SLC43A2: variants seen among roughly 807,000 people sequenced by gnomAD.
The protein encoded by SLC43A2 is large neutral amino acids transporter small subunit 4.
A neutral mutation model predicts 63.2 loss-of-function variants in SLC43A2; 38 were observed. The ratio of observed to expected loss-of-function variants is 0.60; its 90% CI spans 0.46 to 0.79. The LOEUF (loss-of-function observed/expected upper bound fraction) is 0.79. Among genes scored for constraint, SLC43A2 ranks in the 30% least tolerant of loss-of-function variants. The pLI, the probability that SLC43A2 is intolerant of heterozygous loss-of-function variation, is 0.00. For missense variants in SLC43A2, 644 were observed against 756.2 expected, an observed-to-expected ratio of 0.85 and a Z score of 1.74; for synonymous variants, 322 against 331.0, an observed-to-expected ratio of 0.97 and a Z score of 0.30.
chr17:1,585,696 T>C lies in SLC43A2; in HGVS notation c.1217+217A>G, dbSNP rs768106665. 2.1e-5 allele frequency: 32 copies of C among 1,493,912 alleles called. 1 individual carries two copies. The highest frequency in any genetic ancestry group is 1.9e-4 in the South Asian group (16 of 83,270). 92.5% of individuals were successfully genotyped at this position (1,493,912 alleles called of 1,614,324 possible). A position where few individuals can be genotyped will look rare whatever the true frequency, so the allele number is the denominator to read the frequency against. ...AGTCACCGCACCTGGCCTCAAACTT[T>C]AGCATTTCCATTGCATTCCAAACAA... On this transcript the variant is annotated intron_variant, in intron 10 of 13. Transcript: ENST00000301335.
upstream of SLC43A2, among the ~76,000 whole-genome samples, chr17:1,629,719 T>C (rs1909007713): frequency 6.6e-6 from 1 of 152,138 alleles, no homozygotes; most frequent in South Asian, 2.1e-4. Context: ...CCCGTCCCTT[T>C]CAGGGAAGGT....
At chr17:1,579,180 G>A (rs1219961880) in intron 11 of SLC43A2, among the ~76,000 whole-genome samples, 1 of 148,466 alleles carries the variant, frequency 6.7e-6, no homozygotes, top group African/African-American at 2.5e-5. Context: ...TAAATTATAA[G>A]CCGAGAATGG....
In SLC43A2 at chr17:1,574,291, G is replaced by T. The variant is rs997096239; in HGVS notation, c.*1313C>A. The T allele has an allele frequency of 6.6e-6, 1 of 152,572 alleles. No individual in the cohort carries two copies. The highest frequency in any genetic ancestry group is 1.5e-5 in the Non-Finnish European group (1 of 68,088). 9.5% of individuals were successfully genotyped at this position (152,572 alleles called of 1,614,324 possible). On this transcript the variant is annotated 3_prime_UTR_variant, in exon 14 of 14. Transcript: ENST00000301335. ...CAGTCCCCCAGAGAGACGAAGAGCA[G>T]CTGGGCACGGCTGGAGCTGGTCGGT...
At chr17:1,604,079 C>T (rs958396204) in intron 5 of SLC43A2, among the ~76,000 whole-genome samples, 2 of 152,204 alleles carry the variant, frequency 1.3e-5, no homozygotes, top group African/African-American at 2.4e-5. Context: ...CTCACTCTGT[C>T]GCCAAGGCTA....
At chr17:1,622,785 G>A (rs938227350) in intron 2 of SLC43A2, among the ~76,000 whole-genome samples, 10 of 151,858 alleles carry the variant, frequency 6.6e-5, no homozygotes, top group African/African-American at 1.2e-4. Context: ...GTGGTGGTGG[G>A]CACCTGTAAT....
chr17:1,604,933 C>A, intron 5 of SLC43A2: 1 of 1,520,858 alleles, frequency 6.6e-7, no homozygotes, highest in Non-Finnish European at 8.8e-7. Flanking sequence ...TTCGAAGCCG[C>A]GGTGCCGGAG....
At chr17:1,611,490 C>T (rs9902296) in intron 5 of SLC43A2, among the ~76,000 whole-genome samples, 27,441 of 151,810 alleles carry the variant, frequency 0.18, 3,016 homozygotes, top group East Asian at 0.41. Flanking sequence ...CAAAAATTAG[C>T]GAGGCGTGAT....
upstream of SLC43A2, among the ~76,000 whole-genome samples, chr17:1,629,891 C>G (rs1321118459): frequency 6.6e-6 from 1 of 152,240 alleles, no homozygotes; most frequent in African/African-American, 2.4e-5. Context: ...CCGGGAAGAC[C>G]CTCTGACTGC....
chr17:1,584,117 T>C lies in SLC43A2; in HGVS notation c.1218-781A>G, dbSNP rs550842914. Among the ~76,000 whole-genome samples, 93 of 152,176 alleles carry C rather than the reference T, an allele frequency of 6.1e-4. No individual in the cohort carries two copies. In the South Asian group the frequency reaches 0.019, roughly 31 times the overall value. ...ACCATGTTAGCCAGGATGGTCTCGA[T>C]CTTCTGACCTTGTGATCCACCCGCC... On this transcript the variant is annotated intron_variant, in intron 10 of 13. Transcript: ENST00000301335.
At chr17:1,614,119 C>T (rs954898431) in intron 4 of SLC43A2, among the ~76,000 whole-genome samples, 2 of 152,002 alleles carry the variant, frequency 1.3e-5, no homozygotes, top group African/African-American at 2.4e-5. Context: ...GGCGGGTGCC[C>T]GTGGTCCCAA....
chr17:1,587,671 A>G (rs4790661), intron 9 of SLC43A2, among the ~76,000 whole-genome samples: 145,420 of 152,252 alleles, frequency 0.96, 69,513 homozygotes, highest in South Asian at 0.99. Flanking sequence ...CTCCTCCATC[A>G]CTCCAGGCCT....
intron 11 of SLC43A2, among the ~76,000 whole-genome samples, chr17:1,581,589 A>C (rs1009166453): frequency 1.3e-5 from 2 of 152,170 alleles, no homozygotes; most frequent in African/African-American, 4.8e-5. Flanking sequence ...GACTTGACCC[A>C]AGATGCCATC....
intron 6 of SLC43A2, 25 bp from the exon 7 acceptor site, chr17:1,591,724 T>TC (rs1555538832): frequency 1.4e-5 from 3 of 220,230 alleles, no homozygotes; most frequent in African/African-American, 7.5e-5. Context: ...GGGGACGGGG[T>TC]GGGGGGGGGA....
intron 6 of SLC43A2, 116 bp from the exon 7 acceptor site, chr17:1,591,815 G>A (rs948803633): frequency 2.5e-5 from 19 of 774,088 alleles, no homozygotes; most frequent in African/African-American, 1.9e-4. Context: ...GTGCTGAGCC[G>A]CGCAAAGAGG....
chr17:1,581,909 A>G (rs754949074), intron 11 of SLC43A2, among the ~76,000 whole-genome samples: 56 of 149,282 alleles, frequency 3.8e-4, no homozygotes, highest in East Asian at 1.4e-3. Context: ...GGATTCAAGC[A>G]ATTCTCCTGC....
chr17:1,621,684 T>C (rs2151080761), intron 2 of SLC43A2, among the ~76,000 whole-genome samples: 1 of 152,238 alleles, frequency 6.6e-6, no homozygotes, highest in Admixed American at 6.5e-5. Flanking sequence ...CCACCCCATA[T>C]TCCCCACGAG....
At chr17:1,612,459 TTTCC>T (rs1907211100) in intron 5 of SLC43A2, among the ~76,000 whole-genome samples, 1 of 152,062 alleles carries the variant, frequency 6.6e-6, no homozygotes, top group Non-Finnish European at 1.5e-5. Flanking sequence ...TTCCCTGCAT[TTTCC>T]ATCTGGCTCC....
intron 5 of SLC43A2, among the ~76,000 whole-genome samples, chr17:1,600,832 A>T (rs2151058882): frequency 6.6e-6 from 1 of 150,664 alleles, no homozygotes; most frequent in African/African-American, 2.5e-5. Flanking sequence ...TGTTGGGATG[A>T]CAGGCGTGAA....
rs1211008840 is a variant in SLC43A2 at position 1,606,951 on chromosome 17, G to A, written c.501+6244C>T. ...CATGGGTGCCGACCTCTTGGGCTCT[G>A]GAAGGATGGCTCATGGCCATCTCCT... On this transcript the variant is annotated intron_variant, in intron 5 of 13. Coordinates refer to ENST00000301335, the MANE Select transcript of SLC43A2 (RefSeq NM_152346.3). This position sits in a 1 kb window ranked among gnomAD's most constrained non-coding sequence, Gnocchi z 4.7. 1.3e-5 allele frequency among the ~76,000 whole-genome samples: 2 copies of A among 152,214 alleles called. No individual in the cohort carries two copies. The highest frequency in any genetic ancestry group is 2.9e-5 in the Non-Finnish European group (2 of 68,022).
Sources: gnomAD v4.1 joint callset for allele counts (sites outside exome capture counted in the v4.1 genomes callset) on GRCh38, gnomAD v4.1.1 for gene constraint, Gnocchi (gnomAD v3.1) non-coding constraint, MANE v1.5 for transcripts, NCBI Gene and HGNC (gene_info 2026-07-23, HGNC 2026-07-21) for gene names.